The following TSPAN15 variants were observed in gnomAD, a reference collection of about 807,000 sequenced individuals.
The protein encoded by TSPAN15 is tetraspanin 15, also known as tetraspanin-15.
TSPAN15 carries 20 observed loss-of-function variants against 34.5 expected under a neutral mutation model. The ratio of observed to expected loss-of-function variants is 0.58; its 90% confidence interval spans 0.41 to 0.84. The LOEUF (loss-of-function observed/expected upper bound fraction) is 0.84, where lower values mean the gene tolerates loss of function less well. TSPAN15 is among the 40% of genes least tolerant of loss of function. TSPAN15 has a pLI of 0.00. For synonymous variants in TSPAN15, 155 were observed against 153.9 expected (o/e 1.01, Z -0.05); for missense variants, 313 against 386.1 (o/e 0.81, Z 1.59).
At chr10:69,472,106 T>C (rs1051654008) in intron 1 of TSPAN15, among the ~76,000 whole-genome samples, 7 of 152,138 alleles carry the variant, frequency 4.6e-5, no homozygotes, top group African/African-American at 1.7e-4. Context: ...ATAGATGTCA[T>C]GTGAATAAAT....
At chr10:69,540,793 G>T in the TSPAN15 span, among the ~76,000 whole-genome samples, 2 of 152,198 alleles carry the variant, frequency 1.3e-5, no homozygotes, top group Non-Finnish European at 2.9e-5. Context: ...TTGGGGTCTG[G>T]GCTCTGTAGG....
intron 1 of TSPAN15, among the ~76,000 whole-genome samples, chr10:69,471,663 C>T (rs562680931): frequency 9.1e-5 from 13 of 142,508 alleles, no homozygotes; most frequent in African/African-American, 2.8e-4. Flanking sequence ...ATTGCAATCT[C>T]GGCTCACTGC....
intron 1 of TSPAN15, among the ~76,000 whole-genome samples, chr10:69,467,225 A>T (rs1346508787): frequency 6.6e-6 from 1 of 152,046 alleles, no homozygotes; most frequent in Non-Finnish European, 1.5e-5. Flanking sequence ...CTGTTTCCTA[A>T]TAGGTGCACT....
chr10:69,526,849 T>C, the TSPAN15 span, among the ~76,000 whole-genome samples: 1 of 140,016 alleles, frequency 7.1e-6, no homozygotes, highest in Non-Finnish European at 1.5e-5. Context: ...TATGGAGAAA[T>C]TGGAACCTTT....
At chr10:69,472,222 C>T (rs527508846) in intron 1 of TSPAN15, among the ~76,000 whole-genome samples, 35 of 152,266 alleles carry the variant, frequency 2.3e-4, no homozygotes, top group African/African-American at 8.4e-4. Flanking sequence ...TTGATTCCAG[C>T]TCTGCTGACC....
At chr10:69,542,717 C>T in the TSPAN15 span, among the ~76,000 whole-genome samples, 1 of 152,214 alleles carries the variant, frequency 6.6e-6, no homozygotes, top group Non-Finnish European at 1.5e-5. Context: ...AGAATTCACT[C>T]ACTATCACGA....
At position 69,467,280 on chromosome 10, in the gene TSPAN15, C is replaced by T. The variant is rs527638019; in HGVS notation, c.96+15590C>T. 2.0e-5 allele frequency among the ~76,000 whole-genome samples: 3 copies of T among 152,226 alleles called. No individual in the cohort carries two copies. The South Asian group carries it at 6.2e-4, about 32-fold the overall frequency. ...TTCCCATTACAGCCTGTATTTAGCT[C>T]CAAGTAGCAGTTAGTGAAACATCTG... is the stretch of plus-strand genomic sequence containing the variant. On this transcript the variant is annotated intron_variant, in intron 1 of 7. Coordinates refer to ENST00000373290, the MANE Select transcript of TSPAN15 (RefSeq NM_012339.5).
intron 1 of TSPAN15, among the ~76,000 whole-genome samples, chr10:69,483,128 A>G (rs948615229): frequency 7.2e-5 from 11 of 152,106 alleles, no homozygotes; most frequent in Non-Finnish European, 1.6e-4. Context: ...AGCTGGGACT[A>G]CAGGTGCCCG....
chr10:69,519,138 T>C, the TSPAN15 span, among the ~76,000 whole-genome samples: 1 of 152,208 alleles, frequency 6.6e-6, no homozygotes. Flanking sequence ...TACGTAGGGC[T>C]GGGCGCGGTG....
intron 3 of TSPAN15, among the ~76,000 whole-genome samples, chr10:69,491,458 G>A (rs1172781820): frequency 6.6e-6 from 1 of 152,174 alleles, no homozygotes; most frequent in Non-Finnish European, 1.5e-5. Context: ...CAGCTCCTAG[G>A]CTCAAGCGAT....
intron 3 of TSPAN15, among the ~76,000 whole-genome samples, chr10:69,491,176 C>T (rs888845573): frequency 1.3e-5 from 2 of 152,204 alleles, no homozygotes; most frequent in Non-Finnish European, 2.9e-5. Flanking sequence ...CCCACCTTCT[C>T]CTGGTCCCCT....
At chr10:69,453,662 G>A (rs1841023341) in intron 1 of TSPAN15, among the ~76,000 whole-genome samples, 1 of 152,234 alleles carries the variant, frequency 6.6e-6, no homozygotes, top group Non-Finnish European at 1.5e-5. Context: ...GGGAAAGAGT[G>A]ACATATGAGC....
At chr10:69,455,057 G>C (rs534201331) in intron 1 of TSPAN15, among the ~76,000 whole-genome samples, 5 of 151,264 alleles carry the variant, frequency 3.3e-5, no homozygotes, top group African/African-American at 9.7e-5. Context: ...CAGCTACAGC[G>C]AGGGCTGAGG....
At position 69,506,239 on chromosome 10, in the gene TSPAN15, A is replaced by G. The variant is rs763448486; in HGVS notation, c.734A>G (p.Gln245Arg). 6.2e-7 allele frequency: 1 copy of G among 1,613,854 alleles called. No individual in the cohort carries two copies. The highest frequency in any genetic ancestry group is 8.5e-7 in the Non-Finnish European group (1 of 1,179,824). The change falls in exon 7 of 8, where the codon CAG (glutamine) becomes CGG (arginine). Residue 245 changes from glutamine to arginine, a missense_variant and splice_region_variant. Coordinates refer to ENST00000373290, the MANE Select transcript of TSPAN15 (RefSeq NM_012339.5). The surrounding 1 kb of genome is among the most constrained non-coding windows in gnomAD (Gnocchi z 4.7). Reference protein sequence around the residue: ...AGILLGILLPQFLGVLLTLLY... With the variant: ...AGILLGILLPRFLGVLLTLLY... ...ATCCTCCTGGGCATCCTGCTTCCCC[A>G]GGTGGGCAGGCCGTGGGTTCAGAGA...
chr10:69,544,114 C>G, the TSPAN15 span, among the ~76,000 whole-genome samples: 490 of 152,228 alleles, frequency 3.2e-3, 9 homozygotes, highest in East Asian at 0.032. Context: ...GAAGAGGCCC[C>G]AGCCCTATTT....
chr10:69,494,355 C>A (rs947506592), intron 3 of TSPAN15, among the ~76,000 whole-genome samples: 4 of 152,224 alleles, frequency 2.6e-5, no homozygotes, highest in Non-Finnish European at 4.4e-5. Context: ...AACACCAGGA[C>A]CTACAATGTG....
chr10:69,507,191 C>T lies in TSPAN15; in HGVS notation c.*213C>T. The T allele has an allele frequency of 7.0e-7, 1 of 1,419,672 alleles. No homozygotes were observed. The highest frequency in any genetic ancestry group is 9.1e-7 in the Non-Finnish European group (1 of 1,093,258). The allele number at this position is 1,419,672 out of a possible 1,614,324, so 87.9% of individuals were successfully genotyped here. A position where few individuals can be genotyped will look rare whatever the true frequency, so the allele number is the denominator to read the frequency against. On this transcript the variant is annotated 3_prime_UTR_variant, in exon 8 of 8. Transcript: ENST00000373290. ...CTAAGAGGCTTTCCCCGAGGCAGCTCTGGAATCTGTGCCCACCTGGGGCCT... is the reference window on the plus strand; with the variant it reads ...CTAAGAGGCTTTCCCCGAGGCAGCTTTGGAATCTGTGCCCACCTGGGGCCT...
chr10:69,477,612 A>G (rs893053891), intron 1 of TSPAN15, among the ~76,000 whole-genome samples: 1 of 152,244 alleles, frequency 6.6e-6, no homozygotes, highest in African/African-American at 2.4e-5. Context: ...AGAGCTTGCT[A>G]GCCACACGTG....
intron 1 of TSPAN15, among the ~76,000 whole-genome samples, chr10:69,472,670 G>A (rs543128577): frequency 1.3e-5 from 2 of 152,298 alleles, no homozygotes; most frequent in East Asian, 3.9e-4. Flanking sequence ...TCTGACTTGG[G>A]TTTTGAAATG....
Sources: allele counts gnomAD v4.1 joint callset (sites outside exome capture counted in the v4.1 genomes callset), GRCh38; gene constraint gnomAD v4.1.1; non-coding constraint Gnocchi (gnomAD v3.1); transcripts MANE v1.5; gene names NCBI Gene and HGNC (gene_info 2026-07-23, HGNC 2026-07-21).